The following RAD1 variants were observed in gnomAD, a reference collection of about 807,000 sequenced individuals.
The protein encoded by RAD1 is cell cycle checkpoint protein RAD1.
A neutral mutation model predicts 30.0 loss-of-function variants in RAD1; 21 were observed. The ratio of observed to expected loss-of-function variants is 0.70; its 90% CI spans 0.50 to 1.01. RAD1 has a LOEUF of 1.01. RAD1 is among the 50% of genes least tolerant of loss of function. The pLI, the probability that RAD1 is intolerant of heterozygous loss-of-function variation, is 0.00. For synonymous variants in RAD1, 109 were observed against 113.6 expected (o/e 0.96, Z 0.26); for missense variants, 329 against 329.0 (o/e 1.00, Z 0.00).
chr5:34,913,307 A>C (rs1021908655), intron 3 of RAD1, among the ~76,000 whole-genome samples, 163 bp downstream of exon 3: 8 of 152,216 alleles, frequency 5.3e-5, no homozygotes, highest in African/African-American at 1.9e-4. Flanking sequence ...TTATAAACAC[A>C]CTTGCAATTA....
chr5:34,914,676 A>C lies in RAD1; in HGVS notation c.198+19T>G. 1 of 1,613,208 alleles carries C rather than the reference A, an allele frequency of 6.2e-7. No individual in the cohort carries two copies. The highest frequency in any genetic ancestry group is 8.5e-7 in the Non-Finnish European group (1 of 1,179,096). ...TTAGAGTATCTATGGCACAGGCTTA[A>C]AGGCGCCTACTTCCATACCTGAATA... On this transcript the variant is annotated intron_variant, in intron 2 of 5. Transcript: ENST00000382038.
At chr5:34,914,221 A>C (rs912863484) in intron 2 of RAD1, among the ~76,000 whole-genome samples, 1 of 152,226 alleles carries the variant, frequency 6.6e-6, no homozygotes, top group African/African-American at 2.4e-5. Flanking sequence ...ATCGCAGTGG[A>C]AAAAAGAGCA....
Position 34,905,555 on chromosome 5 carries a change from CACT to C in RAD1, c.*3207_*3209del, listed in dbSNP as rs1184860845. On this transcript the variant is annotated 3_prime_UTR_variant, in exon 6 of 6. Transcript: ENST00000382038. ...GCATTTCATCAATTCTCGGTGGAAG[CACT>C]ACATCATCGAATGGGAAATCAACAA... 1 of 150,870 alleles carries C rather than the reference CACT, an allele frequency of 6.6e-6. No individual in the cohort carries two copies. The highest frequency in any genetic ancestry group is 1.5e-5 in the Non-Finnish European group (1 of 67,758). The allele number at this position is 150,870 out of a possible 1,614,324, so 9.3% of individuals were successfully genotyped here.
At chr5:34,914,555 TTTATTTATTAAG>T (rs2111956369) in intron 2 of RAD1, 128 bp downstream of exon 2, 1 of 776,268 alleles carries the variant, frequency 1.3e-6, no homozygotes, top group East Asian at 2.7e-5. Context: ...AAGACTATTA[TTTATTTATTAAG>T]TTATTTATTA....
intron 3 of RAD1, among the ~76,000 whole-genome samples, chr5:34,912,702 A>C (rs1763884559): frequency 6.6e-6 from 1 of 152,204 alleles, no homozygotes; most frequent in Non-Finnish European, 1.5e-5. Context: ...ATATATTTTA[A>C]AGAAAATCAT....
At position 34,908,944 on chromosome 5, in the gene RAD1, T is replaced by G. The variant is rs760268991; in HGVS notation, c.670A>C (p.Lys224Gln). Residue 224 changes from lysine to glutamine, a missense_variant, in exon 6 of 6, where the codon AAG (lysine) becomes CAG (glutamine). Lys to Gln is a moderately conservative substitution (Grantham distance 53, BLOSUM62 1). Coordinates refer to ENST00000382038, the MANE Select transcript of RAD1 (RefSeq NM_002853.4). ...GTAGAGGGTTTCAGTAAGGAAATCT[T>G]GTATCTGTAGAAGAAAAAATAAAAC... The part of the protein sequence containing the change: ...HCNQTQVNRY[K>Q]ISLLKPSTKA... 6.2e-7 allele frequency: 1 copy of G among 1,604,558 alleles called. No individual in the cohort carries two copies. The highest frequency in any genetic ancestry group is 8.5e-7 in the Non-Finnish European group (1 of 1,177,042).
intron 2 of RAD1, chr5:34,914,086 A>G (rs1763954009): frequency 2.3e-6 from 1 of 433,432 alleles, no homozygotes. Context: ...CATGCTGTGC[A>G]CTTACGTGTT....
chr5:34,914,031 A>C, intron 2 of RAD1: 1 of 456,576 alleles, frequency 2.2e-6, no homozygotes, highest in Non-Finnish European at 4.4e-6. Context: ...ATGCCCCTGC[A>C]TGAGGACAAG....
chr5:34,912,581 C>G, intron 3 of RAD1, among the ~76,000 whole-genome samples: 1 of 152,174 alleles, frequency 6.6e-6, no homozygotes, highest in East Asian at 1.9e-4. Context: ...TAGCTAATCT[C>G]CAGGTTGCTT....
At chr5:34,915,230 A>T (rs768703690) in intron 1 of RAD1, 186 bp downstream of exon 1, 35 of 316,418 alleles carry the variant, frequency 1.1e-4, no homozygotes, top group Non-Finnish European at 1.9e-4. Flanking sequence ...GGAGCTACAA[A>T]TCCGCGGGGA....
In RAD1 at chr5:34,905,470, T is replaced by A. The variant is rs1561166725; in HGVS notation, c.*3295A>T. 1 of 152,178 alleles carries A rather than the reference T, an allele frequency of 6.6e-6. No homozygotes were observed. The highest frequency in any genetic ancestry group is 1.5e-5 in the Non-Finnish European group (1 of 68,026). 9.4% of individuals were successfully genotyped at this position (152,178 alleles called of 1,614,324 possible). A position where few individuals can be genotyped will look rare whatever the true frequency, so the allele number is the denominator to read the frequency against. On this transcript the variant is annotated 3_prime_UTR_variant, in exon 6 of 6. Transcript: ENST00000382038. ...CCCTGTGGCTTCCTGTTAAAATGAC[T>A]GTGTTACATGCCTTATTTTTATTAA... is the stretch of plus-strand genomic sequence containing the variant.
chr5:34,910,053 C>A (rs1199014024), intron 4 of RAD1, among the ~76,000 whole-genome samples: 1 of 152,136 alleles, frequency 6.6e-6, no homozygotes, highest in Non-Finnish European at 1.5e-5. Context: ...CCATACCCAG[C>A]CATGATGATG....
At position 34,905,444 on chromosome 5, in the gene RAD1, A is replaced by AC. The variant is rs1161287695; in HGVS notation, c.*3320dup. 6.6e-6 allele frequency: 1 copy of AC among 151,880 alleles called. No homozygotes were observed. The highest frequency in any genetic ancestry group is 1.5e-5 in the Non-Finnish European group (1 of 68,018). The allele number at this position is 151,880 out of a possible 1,614,324, so 9.4% of individuals were successfully genotyped here. A position where few individuals can be genotyped will look rare whatever the true frequency, so the allele number is the denominator to read the frequency against. On this transcript the variant is annotated 3_prime_UTR_variant, in exon 6 of 6. Coordinates refer to ENST00000382038, the MANE Select transcript of RAD1 (RefSeq NM_002853.4). ...CTAGGACTTTGGTAACACCACAGAA[A>AC]CCCTGTGGCTTCCTGTTAAAATGAC...
rs192236 is a variant in RAD1 at position 34,911,127 on chromosome 5, T to C, written c.566+427A>G. Among the ~76,000 whole-genome samples, 13 of 152,358 alleles carry C rather than the reference T, an allele frequency of 8.5e-5. No homozygotes were observed. In the South Asian group the frequency reaches 2.5e-3, roughly 29 times the overall value. On this transcript the variant is annotated intron_variant, in intron 4 of 5. Coordinates refer to ENST00000382038, the MANE Select transcript of RAD1 (RefSeq NM_002853.4). The stretch of plus-strand genomic sequence containing the variant: ...ATAAGATGAATAAGCACACGGTAGG[T>C]GATCAACAGATACTTAGTGAATGAA...
At chr5:34,913,656 T>C (rs1222244009) in intron 2 of RAD1, 78 bp from the exon 3 acceptor site, 1 of 851,444 alleles carries the variant, frequency 1.2e-6, no homozygotes, top group African/African-American at 1.7e-5. Context: ...TTTCACTTTA[T>C]ACGTTTAAAA....
In RAD1 at chr5:34,911,596, T is replaced by G; in HGVS notation, c.524A>C (p.Glu175Ala). 1 of 1,614,192 alleles carries G rather than the reference T, an allele frequency of 6.2e-7. No homozygotes were observed. The highest frequency in any genetic ancestry group is 8.5e-7 in the Non-Finnish European group (1 of 1,180,020). The change falls in exon 4 of 6, where the codon GAA (glutamate) becomes GCA (alanine). Residue 175 changes from glutamate (E) to alanine (A), a missense_variant. Glu to Ala is a moderately radical substitution (Grantham distance 107). Coordinates refer to ENST00000382038, the MANE Select transcript of RAD1 (RefSeq NM_002853.4). ...EAFSELDMTS[E>A]VLQITMSPDK... The stretch of plus-strand genomic sequence containing the variant: ...AGGAGACATGGTAATTTGTAGGACT[T>G]CACTCGTCATATCCAATTCAGAAAA...
In RAD1 at chr5:34,914,905, A is replaced by T; in HGVS notation, c.-13T>A. 6.2e-7 allele frequency: 1 copy of T among 1,613,428 alleles called. No individual in the cohort carries two copies. Among genetic ancestry groups the T allele is most frequent in the Non-Finnish European group, 8.5e-7 (1 of 1,179,916 alleles). On this transcript the variant is annotated 5_prime_UTR_variant, in exon 2 of 6. The change abolishes an upstream ATG in the 5' untranslated region. Transcript: ENST00000382038. ...TCAGAAGGGGCATCGTCCACTGCGC[A>T]TTCGGCCCCGAGGGATGCTCCTGGG...
In RAD1 at chr5:34,908,678, C is replaced by A; in HGVS notation, c.*87G>T. On this transcript the variant is annotated 3_prime_UTR_variant, in exon 6 of 6. Transcript: ENST00000382038. ...TTGTGCTTCTTCTCTATAGAAAATCCAATATGAAATGACAAAGAGTACTGT... is the reference window on the plus strand; with the variant it reads ...TTGTGCTTCTTCTCTATAGAAAATCAAATATGAAATGACAAAGAGTACTGT... The A allele has an allele frequency of 8.2e-7, 1 of 1,224,374 alleles. No individual in the cohort carries two copies. Among genetic ancestry groups the A allele is most frequent in the Admixed American group, 2.4e-5 (1 of 41,640 alleles). 75.8% of individuals were successfully genotyped at this position (1,224,374 alleles called of 1,614,324 possible).
chr5:34,911,885 T>C (rs1006916263), intron 3 of RAD1, 73 bp from the exon 4 acceptor site: 4 of 1,513,618 alleles, frequency 2.6e-6, no homozygotes, highest in Admixed American at 4.2e-5. Context: ...AAATGATACA[T>C]AAAATTTCTC....
Sources: gnomAD v4.1 joint callset for allele counts (sites outside exome capture counted in the v4.1 genomes callset) on GRCh38, gnomAD v4.1.1 for gene constraint, MANE v1.5 for transcripts, NCBI Gene and HGNC (gene_info 2026-07-23, HGNC 2026-07-21) for gene names.